CHD9: variants seen among roughly 807,000 people sequenced by gnomAD.
CHD9 encodes the protein ATP-dependent chromatin remodeler CHD9.
A neutral mutation model predicts 316.1 loss-of-function variants in CHD9; 77 were observed. The ratio of observed to expected loss-of-function variants is 0.24; its 90% CI spans 0.20 to 0.29. The LOEUF is 0.29. Ranked by LOEUF, CHD9 falls within the 10% of genes least tolerant of loss-of-function variation. The probability of loss-of-function intolerance (pLI) is 1.00; values close to 1 mark genes in which losing one functional copy is unlikely to be tolerated. For missense variants in CHD9, 2,763 were observed against 3,438.1 expected (o/e 0.80, Z 4.91); for synonymous variants, 1,129 against 1,158.3 (o/e 0.97, Z 0.51).
intron 25 of CHD9, 127 bp downstream of exon 25, chr16:53,285,826 A>G (rs905880791): frequency 1.5e-5 from 8 of 536,916 alleles, no homozygotes; most frequent in Admixed American, 3.6e-5. Context: ...CAGAATTAAA[A>G]GCATACACTA....
At chr16:53,154,699 G>A (rs1224263007) in intron 1 of CHD9, among the ~76,000 whole-genome samples, 1 of 152,144 alleles carries the variant, frequency 6.6e-6, no homozygotes, top group African/African-American at 2.4e-5. Flanking sequence ...ATCTAATACT[G>A]CCGCTGATGT....
chr16:53,286,753 G>C (rs1054418829), intron 26 of CHD9, among the ~76,000 whole-genome samples: 1 of 152,090 alleles, frequency 6.6e-6, no homozygotes, highest in Non-Finnish European at 1.5e-5. Flanking sequence ...CAAAATCCAA[G>C]GATGCTCTAG....
chr16:53,170,739 A>C (rs1457918734), intron 2 of CHD9, among the ~76,000 whole-genome samples: 2 of 152,074 alleles, frequency 1.3e-5, no homozygotes, highest in African/African-American at 4.8e-5. Context: ...AGTTAAACTG[A>C]TATTGAGCGA....
intron 3 of CHD9, among the ~76,000 whole-genome samples, chr16:53,222,233 C>T (rs139951494): frequency 1.3e-3 from 193 of 152,144 alleles, no homozygotes; most frequent in African/African-American, 4.4e-3. Context: ...CCTGCCACCA[C>T]GCCTGACTAA....
chr16:53,185,243 G>A (rs530004382), intron 2 of CHD9, among the ~76,000 whole-genome samples: 10 of 152,208 alleles, frequency 6.6e-5, no homozygotes, highest in Non-Finnish European at 8.8e-5. Context: ...GAATGGCTTT[G>A]ACCAAAATGC....
At chr16:53,152,411 G>A (rs1156858837) in intron 1 of CHD9, among the ~76,000 whole-genome samples, 4 of 152,162 alleles carry the variant, frequency 2.6e-5, no homozygotes, top group African/African-American at 4.8e-5. Context: ...TGTCTAGTCT[G>A]TCATTTTGCT....
chr16:53,121,932 G>A (rs1476085143), intron 1 of CHD9: 1 of 152,366 alleles, frequency 6.6e-6, no homozygotes, highest in Non-Finnish European at 1.5e-5. Flanking sequence ...TTTTCCTAGA[G>A]TGGAAAAGTA....
chr16:53,312,557 C>G (rs2056555754), intron 34 of CHD9, among the ~76,000 whole-genome samples: 1 of 152,150 alleles, frequency 6.6e-6, no homozygotes, highest in Admixed American at 6.5e-5. Flanking sequence ...TAAGACTGAC[C>G]TTGCTAGTGT....
chr16:53,244,222 T>C (rs994636646), intron 13 of CHD9, among the ~76,000 whole-genome samples: 2 of 148,806 alleles, frequency 1.3e-5, no homozygotes, highest in African/African-American at 5.0e-5. Flanking sequence ...AGACTGAGTC[T>C]CACTCTGTTG....
chr16:53,129,030 A>C (rs1436330796), intron 1 of CHD9, among the ~76,000 whole-genome samples: 1 of 152,144 alleles, frequency 6.6e-6, no homozygotes, highest in Non-Finnish European at 1.5e-5. Flanking sequence ...AAACACAAAA[A>C]CCAGCATCCT....
chr16:53,106,449 A>G (rs2037356688), intron 1 of CHD9, among the ~76,000 whole-genome samples: 1 of 152,202 alleles, frequency 6.6e-6, no homozygotes, highest in Non-Finnish European at 1.5e-5. Flanking sequence ...ACTAATGGAT[A>G]TTTCCCGAAG....
At chr16:53,323,598 A>G (rs1598030689) in intron 38 of CHD9, among the ~76,000 whole-genome samples, 1 of 152,232 alleles carries the variant, frequency 6.6e-6, no homozygotes, top group East Asian at 1.9e-4. Context: ...GCATCTTACT[A>G]TAACCTTAAC....
At chr16:53,138,177 T>C (rs2039858110) in intron 1 of CHD9, among the ~76,000 whole-genome samples, 1 of 152,188 alleles carries the variant, frequency 6.6e-6, no homozygotes, top group Non-Finnish European at 1.5e-5. Flanking sequence ...ATACCTTAGG[T>C]TGAAGACTTC....
At chr16:53,075,579 AT>A (rs2034453849) in intron 1 of CHD9, among the ~76,000 whole-genome samples, 1 of 152,062 alleles carries the variant, frequency 6.6e-6, no homozygotes, top group South Asian at 2.1e-4. Flanking sequence ...TTGGTAGTGA[AT>A]AAGTCTCACG....
intron 2 of CHD9, among the ~76,000 whole-genome samples, chr16:53,175,083 GAC>G (rs761031692): frequency 5.9e-5 from 9 of 152,266 alleles, no homozygotes; most frequent in Non-Finnish European, 1.2e-4. Context: ...TCTACCGGAT[GAC>G]AGTTAAAGTT....
Position 53,324,514 on chromosome 16 carries a change from A to G in CHD9, c.8313A>G (p.Ser2771=), listed in dbSNP as rs1201819178. The change falls in exon 39 of 39, where the codon TCA becomes TCG. Residue 2771 remains serine, a synonymous_variant. Transcript: ENST00000447540. ...SSENGGENSV[S]SSPSTSSTAA... The stretch of plus-strand genomic sequence containing the variant: ...AGAATGGTGGAGAAAACTCTGTGTC[A>G]AGTTCTCCTTCCACATCCTCTACTG... 6.2e-7 allele frequency: 1 copy of G among 1,613,822 alleles called. No homozygotes were observed. The highest frequency in any genetic ancestry group is 8.5e-7 in the Non-Finnish European group (1 of 1,179,874).
rs182233697 is a variant in CHD9, at chr16:53,078,562, A to G, written c.-165+23485A>G. Among the ~76,000 whole-genome samples, 21 of 152,326 alleles carry G rather than the reference A, an allele frequency of 1.4e-4. No individual in the cohort carries two copies. The East Asian group carries it at 3.9e-3, about 28-fold the overall frequency. ...CTGTAGTATTCTGTTATAGCAACAT[A>G]AAACAGACTAAGTATTATTTGATCA... On this transcript the variant is annotated intron_variant, in intron 1 of 38. Transcript: ENST00000447540.
At chr16:53,315,809 C>A (rs1414830544) in intron 36 of CHD9, among the ~76,000 whole-genome samples, 2 of 152,056 alleles carry the variant, frequency 1.3e-5, no homozygotes, top group Non-Finnish European at 2.9e-5. Context: ...AATTAAAACA[C>A]CAAAGTTTTA....
intron 24 of CHD9, among the ~76,000 whole-genome samples, chr16:53,285,273 A>T (rs1465619608): frequency 6.6e-6 from 1 of 152,212 alleles, no homozygotes; most frequent in Non-Finnish European, 1.5e-5. Context: ...TTGTTGGCTG[A>T]CATAGTCTCT....
Sources: gnomAD v4.1 joint callset for allele counts (sites outside exome capture counted in the v4.1 genomes callset) on GRCh38, gnomAD v4.1.1 for gene constraint, MANE v1.5 for transcripts, NCBI Gene and HGNC (gene_info 2026-07-23, HGNC 2026-07-21) for gene names.